TANC1: variants seen among roughly 807,000 people sequenced by gnomAD.
TANC1 encodes protein TANC1.
A neutral mutation model predicts 149.7 loss-of-function variants in TANC1; 77 were observed. The ratio of observed to expected loss-of-function variants is 0.51; its 90% CI spans 0.43 to 0.62. The LOEUF (loss-of-function observed/expected upper bound fraction) is 0.62, where lower values mean the gene tolerates loss of function less well. Among genes scored for constraint, TANC1 ranks in the 20% least tolerant of loss-of-function variants. The pLI is 0.00. For synonymous variants in TANC1, 854 were observed against 925.0 expected (o/e 0.92, Z 1.39); for missense variants, 1,985 against 2,321.8 (o/e 0.85, Z 2.98).
chr2:159,136,063 T>TGG, intron 4 of TANC1, 131 bp from the exon 5 acceptor site: 2 of 534,922 alleles, frequency 3.7e-6, no homozygotes, highest in Non-Finnish European at 6.8e-6. Context: ...CGCGCGCGCG[T>TGG]TTAAGGGAGG....
intron 2 of TANC1, among the ~76,000 whole-genome samples, chr2:159,053,936 A>G: frequency 6.6e-6 from 1 of 152,138 alleles, no homozygotes; most frequent in East Asian, 1.9e-4. Flanking sequence ...GAAATAACTG[A>G]TAACTCGAGG....
chr2:159,130,270 A>G (rs1475565522), intron 4 of TANC1, among the ~76,000 whole-genome samples: 1 of 152,334 alleles, frequency 6.6e-6, no homozygotes, highest in East Asian at 1.9e-4. Flanking sequence ...GTAGTATTAC[A>G]TTCTGGTTAA....
chr2:159,126,507 A>G (rs1574839063), intron 4 of TANC1, among the ~76,000 whole-genome samples: 1 of 152,346 alleles, frequency 6.6e-6, no homozygotes, highest in South Asian at 2.1e-4. Context: ...CAGCTGTAAT[A>G]CTAATTAACA....
intron 3 of TANC1, among the ~76,000 whole-genome samples, chr2:159,066,413 C>CTT (rs2042671041): frequency 6.6e-6 from 1 of 151,952 alleles, no homozygotes; most frequent in Non-Finnish European, 1.5e-5. Context: ...GACCCTGTCT[C>CTT]TTAAAAAAGA....
chr2:159,103,530 A>G (rs1193830492), intron 4 of TANC1, among the ~76,000 whole-genome samples: 2 of 96,636 alleles, frequency 2.1e-5, no homozygotes, highest in African/African-American at 5.7e-5. Flanking sequence ...TGCACTTCTC[A>G]GGCAATTTTC....
At chr2:158,989,304 C>T (rs2035359823) in intron 1 of TANC1, among the ~76,000 whole-genome samples, 1 of 152,026 alleles carries the variant, frequency 6.6e-6, no homozygotes, top group South Asian at 2.1e-4. Flanking sequence ...TGGGAACAGG[C>T]ATTTAAGTTT....
At chr2:159,180,544 A>C (rs1468487214) in intron 14 of TANC1, among the ~76,000 whole-genome samples, 18 of 152,162 alleles carry the variant, frequency 1.2e-4, no homozygotes, top group African/African-American at 3.9e-4. Flanking sequence ...CCTGAATGCC[A>C]CTGTGTTCTT....
At chr2:159,180,809 C>G (rs2056393734) in intron 14 of TANC1, among the ~76,000 whole-genome samples, 1 of 152,170 alleles carries the variant, frequency 6.6e-6, no homozygotes, top group Non-Finnish European at 1.5e-5. Context: ...GTGGCAGACA[C>G]CAATTGTTGG....
intron 23 of TANC1, 86 bp from the exon 24 acceptor site, chr2:159,225,602 T>C: frequency 9.6e-7 from 1 of 1,038,214 alleles, no homozygotes; most frequent in Non-Finnish European, 1.5e-6. Flanking sequence ...CTGCTGGTGC[T>C]GACCTCCAGC....
chr2:159,080,772 G>A (rs2044191213), intron 3 of TANC1, among the ~76,000 whole-genome samples: 1 of 152,202 alleles, frequency 6.6e-6, no homozygotes, highest in African/African-American at 2.4e-5. Context: ...AAGAGGCTAA[G>A]AGTGCAGCTG....
chr2:159,183,090 A>G (rs2056652045), intron 14 of TANC1, among the ~76,000 whole-genome samples: 1 of 152,160 alleles, frequency 6.6e-6, no homozygotes, highest in South Asian at 2.1e-4. Context: ...AGGGCCTACT[A>G]TAGCAGTCAG....
Position 159,229,623 on chromosome 2 carries a change from C to G in TANC1, c.4197C>G (p.Leu1399=). 1 of 1,613,902 alleles carries G rather than the reference C, an allele frequency of 6.2e-7. No homozygotes were observed. Among genetic ancestry groups the G allele is most frequent in the Non-Finnish European group, 8.5e-7 (1 of 1,179,920 alleles). Residue 1399 remains leucine (L), a synonymous_variant, in exon 27 of 27, where the codon CTC becomes CTG. Transcript: ENST00000263635. ...CTGACCTGCAAGAGGCTGTGAAACT[C>G]TGTCCCACCAATCAGGAAGTCAAGA... ...ALADLQEAVK[L]CPTNQEVKRL...
chr2:159,121,321 G>A (rs974265942), intron 4 of TANC1, among the ~76,000 whole-genome samples: 1 of 152,190 alleles, frequency 6.6e-6, no homozygotes, highest in African/African-American at 2.4e-5. Flanking sequence ...GGGTGCTAAA[G>A]CATAATTTTC....
intron 25 of TANC1, 135 bp from the exon 26 acceptor site, chr2:159,228,661 G>A: frequency 1.5e-6 from 1 of 671,006 alleles, no homozygotes; most frequent in Middle Eastern, 3.9e-4. Context: ...AAACAAGATA[G>A]AAAACGGAAC....
chr2:159,170,948 T>C (rs2055130867), intron 10 of TANC1, 143 bp downstream of exon 10: 2 of 858,446 alleles, frequency 2.3e-6, no homozygotes, highest in South Asian at 1.7e-5. Flanking sequence ...TGAAGTGAAC[T>C]GTTTCAATAT....
chr2:159,029,784 C>T (rs988695578), intron 2 of TANC1, among the ~76,000 whole-genome samples: 14 of 152,120 alleles, frequency 9.2e-5, no homozygotes, highest in African/African-American at 3.4e-4. Flanking sequence ...TAGTTTTGAA[C>T]TCCTAGTCTC....
At chr2:159,130,670 A>G (rs2049983257) in intron 4 of TANC1, among the ~76,000 whole-genome samples, 1 of 152,140 alleles carries the variant, frequency 6.6e-6, no homozygotes, top group South Asian at 2.1e-4. Context: ...TTTGTGTAAT[A>G]GAAACAGTAT....
At position 159,104,071 on chromosome 2, in the gene TANC1, T is replaced by C. The variant is rs755690427; in HGVS notation, c.259+6237T>C. ...AGTCCTTGCTTCCACTGCTGAGTGG[T>C]TGGGACCACAGTTGACATCTAACCT... On this transcript the variant is annotated intron_variant, in intron 4 of 26. Coordinates refer to ENST00000263635, the MANE Select transcript of TANC1 (RefSeq NM_033394.3). 2.1e-5 allele frequency among the ~76,000 whole-genome samples: 2 copies of C among 95,720 alleles called. 1 individual carries two copies. The highest frequency in any genetic ancestry group is 5.8e-5 in the Non-Finnish European group (2 of 34,296). 62.8% of individuals were successfully genotyped at this position (95,720 alleles called of 152,430 possible). A position where few individuals can be genotyped will look rare whatever the true frequency, so the allele number is the denominator to read the frequency against.
intron 3 of TANC1, among the ~76,000 whole-genome samples, chr2:159,085,720 C>T (rs1297328673): frequency 1.3e-5 from 2 of 152,098 alleles, no homozygotes; most frequent in African/African-American, 2.4e-5. Flanking sequence ...CTCTAGTGAA[C>T]TAATAGAGTG....
Sources: allele counts gnomAD v4.1 joint callset (sites outside exome capture counted in the v4.1 genomes callset), GRCh38; gene constraint gnomAD v4.1.1; transcripts MANE v1.5; gene names NCBI Gene and HGNC (gene_info 2026-07-23, HGNC 2026-07-21).